Variants in PCDH11X observed in about 807,000 individuals in gnomAD.
PCDH11X encodes protocadherin 11 X-linked.
In PCDH11X, 18 loss-of-function variants were observed where a neutral mutation model predicts 53.3. The observed-to-expected ratio is 0.34, with a 90% CI of 0.23 to 0.50. The LOEUF is 0.50. Ranked by LOEUF, PCDH11X falls within the 20% of genes least tolerant of loss-of-function variation. PCDH11X has a pLI of 0.98. For missense variants in PCDH11X, 570 were observed against 1,032.4 expected (o/e 0.55, Z 6.14); for synonymous variants, 279 against 393.3 (o/e 0.71, Z 3.44).
chrX:92,558,469 G>T (rs913617829), intron 10 of PCDH11X, among the ~76,000 whole-genome samples: 8 of 111,496 alleles, frequency 7.2e-5, no homozygotes, highest in African/African-American at 2.6e-4. Context: ...GGAAGGAACT[G>T]GTTAAAGAGT....
chrX:92,339,676 A>G (rs1358592801), intron 8 of PCDH11X, among the ~76,000 whole-genome samples: 6 of 108,889 alleles, frequency 5.5e-5, no homozygotes, highest in Non-Finnish European at 5.7e-5. Flanking sequence ...GTGAGGACAG[A>G]ATCAAGGGGA....
At chrX:92,462,268 A>C (rs1276895295) in intron 9 of PCDH11X, among the ~76,000 whole-genome samples, 3 of 111,202 alleles carry the variant, frequency 2.7e-5, no homozygotes, top group African/African-American at 9.8e-5. Context: ...TTCACAAGGA[A>C]GGAATTTTAA....
At chrX:92,576,191 A>G (rs1385319738) in intron 10 of PCDH11X, among the ~76,000 whole-genome samples, 2 of 72,418 alleles carry the variant, frequency 2.8e-5, no homozygotes, top group East Asian at 3.6e-4. Context: ...CTTGTCTTAT[A>G]TAACTGTTCT....
At chrX:92,063,877 C>A (rs1391575092) in intron 6 of PCDH11X, among the ~76,000 whole-genome samples, 1 of 108,268 alleles carries the variant, frequency 9.2e-6, no homozygotes. Context: ...GGTATTGGGC[C>A]CCCAGCTTTG....
At chrX:92,437,819 C>T (rs1424639760) in intron 9 of PCDH11X, among the ~76,000 whole-genome samples, 4 of 109,560 alleles carry the variant, frequency 3.7e-5, no homozygotes, top group Non-Finnish European at 7.6e-5. Context: ...TGGAAAAGGA[C>T]CCTGCTTTAA....
At chrX:92,210,230 CTTTTTT>C (rs146233770) in intron 7 of PCDH11X, among the ~76,000 whole-genome samples, 9 of 41,071 alleles carry the variant, frequency 2.2e-4, no homozygotes, top group South Asian at 2.9e-3. Context: ...AGAAAATGGG[CTTTTTT>C]TTTTTTTTTT....
In PCDH11X at chrX:91,836,137, C is replaced by T. The variant is rs191536181; in HGVS notation, c.540+93C>T. The T allele has an allele frequency of 1.3e-3, 1,294 of 977,501 alleles. 6 individuals carry two copies. The African/African-American group carries it at 0.024, about 18-fold the overall frequency. 80.6% of individuals were successfully genotyped at this position (977,501 alleles called of 1,213,427 possible). ...AATGTATTTCAAATTTTGAGTAAGC[C>T]ATCACCCCAATTTTTCAAAATTTAT... On this transcript the variant is annotated intron_variant, in intron 5 of 10. Transcript: ENST00000682573.
chrX:92,258,852 C>G (rs2067655659), intron 7 of PCDH11X, among the ~76,000 whole-genome samples: 1 of 111,953 alleles, frequency 8.9e-6, no homozygotes, highest in Non-Finnish European at 1.9e-5. Context: ...CTGTTAGAAG[C>G]AGCAAGGCAA....
chrX:91,924,732 T>C (rs1337786102), intron 6 of PCDH11X, among the ~76,000 whole-genome samples: 2 of 111,453 alleles, frequency 1.8e-5, no homozygotes, highest in Admixed American at 9.6e-5. Flanking sequence ...CTTCTTATTA[T>C]AGGGAATAAG....
chrX:91,835,633 G>A lies in PCDH11X; in HGVS notation c.129G>A (p.Leu43=). Residue 43 remains leucine (L), a synonymous_variant, in exon 5 of 11, where the codon TTG becomes TTA. Transcript: ENST00000682573. The part of the protein sequence containing the change: ...EMPENVLIGD[L]LKDLNLSLIP... ...CAGAAAACGTCCTGATAGGCGACTT[G>A]TTGAAAGACCTTAACTTGTCGCTGA... is the stretch of plus-strand genomic sequence containing the variant. 1.7e-6 allele frequency: 2 copies of A among 1,211,306 alleles called. No individual in the cohort carries two copies. Among genetic ancestry groups the A allele is most frequent in the African/African-American group, 1.7e-5 (1 of 57,634 alleles).
intron 6 of PCDH11X, among the ~76,000 whole-genome samples, chrX:92,052,539 TTC>T (rs762903250): frequency 1.6e-5 from 1 of 62,724 alleles, no homozygotes; most frequent in Non-Finnish European, 3.0e-5. Flanking sequence ...CTAATTCATT[TTC>T]TCTCTCTTTC....
At chrX:92,264,001 C>T (rs910971632) in intron 8 of PCDH11X, among the ~76,000 whole-genome samples, 1 of 111,951 alleles carries the variant, frequency 8.9e-6, no homozygotes, top group African/African-American at 3.2e-5. Flanking sequence ...GCCTTAAATG[C>T]TATCCATATT....
chrX:91,898,372 C>T (rs981356595), intron 6 of PCDH11X, among the ~76,000 whole-genome samples: 4 of 109,146 alleles, frequency 3.7e-5, no homozygotes, highest in African/African-American at 1.3e-4. Flanking sequence ...AATTAGAGCT[C>T]ACTTGCATGG....
intron 7 of PCDH11X, among the ~76,000 whole-genome samples, chrX:92,206,688 G>T (rs1480026175): frequency 1.4e-4 from 15 of 109,952 alleles, no homozygotes; most frequent in African/African-American, 5.0e-4. Context: ...CATCGTGCCT[G>T]GCTAATTTTT....
intron 7 of PCDH11X, among the ~76,000 whole-genome samples, chrX:92,211,796 T>G (rs1480518647): frequency 2.7e-5 from 3 of 111,319 alleles, no homozygotes; most frequent in Non-Finnish European, 5.7e-5. Context: ...CCGATTTGAG[T>G]TTTTGTTTTG....
Position 92,311,017 on chromosome X carries a change from T to A in PCDH11X, c.3144+47874T>A, listed in dbSNP as rs200079806. Reference sequence around the variant, plus strand: ...TTTCCGAGTAACCCAAATGATTTTATGTACAGTGACTTTGACCTCAACTAA... The same window carrying A: ...TTTCCGAGTAACCCAAATGATTTTAAGTACAGTGACTTTGACCTCAACTAA... On this transcript the variant is annotated intron_variant, in intron 8 of 10. Coordinates refer to ENST00000682573, the MANE Select transcript of PCDH11X (RefSeq NM_032968.5). Among the ~76,000 whole-genome samples the A allele has an allele frequency of 1.3e-4, 14 of 111,877 alleles. No individual in the cohort carries two copies. In the East Asian group the frequency reaches 3.9e-3, roughly 31 times the overall value.
chrX:92,617,848 CTATT>C (rs1292450187), intron 10 of PCDH11X, among the ~76,000 whole-genome samples: 2 of 110,856 alleles, frequency 1.8e-5, no homozygotes, highest in East Asian at 5.7e-4. Context: ...TATTAGCTAA[CTATT>C]TTTTAGCTAT....
intron 6 of PCDH11X, among the ~76,000 whole-genome samples, chrX:92,169,930 A>G (rs753630192): frequency 9.0e-6 from 1 of 111,299 alleles, no homozygotes; most frequent in African/African-American, 3.3e-5. Context: ...GCCACTTTTT[A>G]TAGCATCAGG....
intron 8 of PCDH11X, among the ~76,000 whole-genome samples, chrX:92,375,020 A>G (rs1322770023): frequency 9.6e-6 from 1 of 104,434 alleles, no homozygotes; most frequent in Admixed American, 1.1e-4. Context: ...TTGGCAAGGC[A>G]AAATTTTTAA....
Sources: gnomAD v4.1 joint callset for allele counts (sites outside exome capture counted in the v4.1 genomes callset) on GRCh38, gnomAD v4.1.1 for gene constraint, MANE v1.5 for transcripts, NCBI Gene and HGNC (gene_info 2026-07-23, HGNC 2026-07-21) for gene names.